LYST: variants seen among roughly 807,000 people sequenced by gnomAD.
LYST encodes the protein lysosomal trafficking regulator.
A neutral mutation model predicts 413.6 loss-of-function variants in LYST; 192 were observed. That is an observed-to-expected ratio of 0.46 (90% CI 0.41 to 0.52). LYST has a LOEUF of 0.52. Ranked by LOEUF, LYST falls within the 20% of genes least tolerant of loss-of-function variation. The pLI, the probability that LYST is intolerant of heterozygous loss-of-function variation, is 0.00. For synonymous variants in LYST, 1,525 were observed against 1,567.3 expected (o/e 0.97, Z 0.64); for missense variants, 3,815 against 4,499.9 (o/e 0.85, Z 4.35).
chr1:235,879,829 C>A (rs559969010), intron 1 of LYST, among the ~76,000 whole-genome samples: 1 of 152,090 alleles, frequency 6.6e-6, no homozygotes, highest in African/African-American at 2.4e-5. Context: ...CTCTGCCTCC[C>A]GGTTTCAAGT....
intron 12 of LYST, 149 bp from the exon 13 acceptor site, chr1:235,788,994 T>G (rs767289429): frequency 1.4e-6 from 1 of 738,922 alleles, no homozygotes; most frequent in Non-Finnish European, 2.4e-6. Flanking sequence ...TAAACAACCA[T>G]ATTTTCAGAG....
At chr1:235,673,332 C>T (rs1005837691) in intron 50 of LYST, among the ~76,000 whole-genome samples, 19 of 152,080 alleles carry the variant, frequency 1.2e-4, no homozygotes, top group African/African-American at 4.6e-4. Flanking sequence ...TTATACCCTG[C>T]AGGAACCTTC....
chr1:235,784,125 C>T (rs971130397), intron 14 of LYST, among the ~76,000 whole-genome samples: 2 of 152,158 alleles, frequency 1.3e-5, no homozygotes, highest in Admixed American at 6.5e-5. Flanking sequence ...AGCAATCCTT[C>T]TGCCTCGGCC....
intron 3 of LYST, among the ~76,000 whole-genome samples, chr1:235,821,798 C>T (rs139592929): frequency 9.8e-5 from 15 of 152,296 alleles, no homozygotes; most frequent in African/African-American, 3.4e-4. Context: ...GCCTGTAGGC[C>T]GTAGTTTGCT....
At chr1:235,862,622 C>T (rs556460453) in intron 1 of LYST, among the ~76,000 whole-genome samples, 2 of 152,124 alleles carry the variant, frequency 1.3e-5, no homozygotes, top group Admixed American at 1.3e-4. Flanking sequence ...ACGGTGAAAC[C>T]CCATGTCTAC....
intron 1 of LYST, among the ~76,000 whole-genome samples, chr1:235,845,133 C>A (rs912529956): frequency 1.3e-5 from 2 of 152,114 alleles, no homozygotes; most frequent in Non-Finnish European, 2.9e-5. Flanking sequence ...CTCCTGCAGG[C>A]CCCAGGAGAC....
chr1:235,835,202 C>A (rs1220087919), intron 1 of LYST, among the ~76,000 whole-genome samples: 3 of 151,958 alleles, frequency 2.0e-5, no homozygotes, highest in Non-Finnish European at 4.4e-5. Flanking sequence ...CAAATGTGAG[C>A]CACCGTGCCC....
intron 1 of LYST, among the ~76,000 whole-genome samples, chr1:235,878,964 T>G (rs777220544): frequency 1.3e-5 from 2 of 152,242 alleles, no homozygotes; most frequent in African/African-American, 2.4e-5. Context: ...AGGTCTGGGC[T>G]GTTAGAGTAC....
upstream of LYST, among the ~76,000 whole-genome samples, chr1:235,869,206 C>T (rs981466362): frequency 1.2e-4 from 19 of 152,312 alleles, no homozygotes; most frequent in Admixed American, 1.1e-3. Context: ...GGCGCAGTGG[C>T]TCACGCCTGT....
chr1:235,811,970 G>A (rs1411984990), intron 4 of LYST, among the ~76,000 whole-genome samples: 1 of 151,708 alleles, frequency 6.6e-6, no homozygotes, highest in Non-Finnish European at 1.5e-5. Flanking sequence ...AAAGCTCCAT[G>A]AAATTCACTA....
At chr1:235,870,393 G>A (rs1010714653), upstream of LYST, among the ~76,000 whole-genome samples, 2 of 152,196 alleles carry the variant, frequency 1.3e-5, no homozygotes, top group South Asian at 2.1e-4. Flanking sequence ...CAAACGCTGA[G>A]CTGCAACCAA....
In LYST at chr1:235,751,003, G is replaced by A. The variant is rs377138481; in HGVS notation, c.7780+207C>T. Among the ~76,000 whole-genome samples the A allele has an allele frequency of 3.3e-4, 51 of 152,254 alleles. No individual in the cohort carries two copies. The South Asian group carries it at 9.7e-3, about 29-fold the overall frequency. ...TTGTATCTCCAATATTTAGCACAAT[G>A]CTCAGCACATGGTAGGCAGGTGCTC... On this transcript the variant is annotated intron_variant, in intron 28 of 52. Transcript: ENST00000389793.
At chr1:235,718,761 G>C (rs1259877371) in intron 40 of LYST, among the ~76,000 whole-genome samples, 1 of 152,098 alleles carries the variant, frequency 6.6e-6, no homozygotes, top group African/African-American at 2.4e-5. Flanking sequence ...AGTTCATTCA[G>C]GAAAGGCAGA....
At chr1:235,857,752 C>CATATGTAAAT (rs1558351022) in intron 1 of LYST, among the ~76,000 whole-genome samples, 1 of 122,932 alleles carries the variant, frequency 8.1e-6, no homozygotes, top group Non-Finnish European at 1.7e-5. Flanking sequence ...TACACACACA[C>CATATGTAAAT]ACACACACAC....
In LYST at chr1:235,733,570, T is replaced by C. The variant is rs138536724; in HGVS notation, c.8734A>G (p.Met2912Val). Reference protein sequence around the residue: ...RKKVIQHIRGMYKVDLSASRH... With the variant: ...RKKVIQHIRGVYKVDLSASRH... The stretch of plus-strand genomic sequence containing the variant: ...CTGGCACTCAAATCTACTTTATACA[T>C]TCCTCTAATATGCTGGATCACCTTT... Residue 2912 changes from methionine to valine, a missense_variant, in exon 34 of 53, where the codon ATG (methionine) becomes GTG (valine). Coordinates refer to ENST00000389793, the MANE Select transcript of LYST (RefSeq NM_000081.4). 6.2e-7 allele frequency: 1 copy of C among 1,613,934 alleles called. No homozygotes were observed. Among genetic ancestry groups the C allele is most frequent in the Non-Finnish European group, 8.5e-7 (1 of 1,179,874 alleles).
At chr1:235,791,172 T>C (rs906806745) in intron 12 of LYST, among the ~76,000 whole-genome samples, 1 of 151,776 alleles carries the variant, frequency 6.6e-6, no homozygotes, top group Non-Finnish European at 1.5e-5. Flanking sequence ...ATCCCAGCTA[T>C]TCGGGAGGCT....
upstream of LYST, among the ~76,000 whole-genome samples, chr1:235,870,257 G>A (rs1304299056): frequency 6.6e-6 from 1 of 152,128 alleles, no homozygotes; most frequent in Non-Finnish European, 1.5e-5. Flanking sequence ...TCAGCCTAAA[G>A]GTTTTTCTGT....
chr1:235,670,476 C>T (rs1658845853), intron 50 of LYST, among the ~76,000 whole-genome samples: 1 of 152,208 alleles, frequency 6.6e-6, no homozygotes, highest in Admixed American at 6.5e-5. Context: ...TCCCATTCTC[C>T]TCCGGAGAAG....
chr1:235,688,068 A>G (rs1428634053), intron 47 of LYST, among the ~76,000 whole-genome samples: 3 of 152,138 alleles, frequency 2.0e-5, no homozygotes, highest in African/African-American at 4.8e-5. Flanking sequence ...GAGTAGTTCT[A>G]TTTGTTAGGA....
Sources: gnomAD v4.1 joint callset for allele counts (sites outside exome capture counted in the v4.1 genomes callset) on GRCh38, gnomAD v4.1.1 for gene constraint, MANE v1.5 for transcripts, NCBI Gene and HGNC (gene_info 2026-07-23, HGNC 2026-07-21) for gene names.